The following ZFAT variants were observed in gnomAD, a reference collection of about 807,000 sequenced individuals.
ZFAT encodes the protein zinc finger protein ZFAT.
A neutral mutation model predicts 117.7 loss-of-function variants in ZFAT; 64 were observed. The ratio of observed to expected loss-of-function variants is 0.54; its 90% CI spans 0.44 to 0.67. ZFAT has a LOEUF of 0.67. Ranked by LOEUF, ZFAT falls within the 30% of genes least tolerant of loss-of-function variation. The pLI is 0.00. For missense variants in ZFAT, 1,433 were observed against 1,584.5 expected (o/e 0.90, Z 1.62); for synonymous variants, 679 against 615.0 (o/e 1.10, Z -1.54).
chr8:134,495,065 C>A (rs1367733541), intron 15 of ZFAT, among the ~76,000 whole-genome samples: 3 of 152,208 alleles, frequency 2.0e-5, no homozygotes, highest in African/African-American at 7.2e-5. Flanking sequence ...AGAACCACCA[C>A]CTGCCCAGCT....
chr8:134,819,552 T>C, the ZFAT span, among the ~76,000 whole-genome samples: 1 of 117,476 alleles, frequency 8.5e-6, no homozygotes, highest in South Asian at 2.9e-4. Context: ...AAGGAACTGG[T>C]TTCTCTGACA....
chr8:134,478,291 G>A lies in ZFAT; in HGVS notation c.*191C>T, dbSNP rs1817020849. The A allele has an allele frequency of 8.5e-6, 6 of 704,500 alleles. No individual in the cohort carries two copies. The highest frequency in any genetic ancestry group is 1.4e-5 in the Non-Finnish European group (6 of 431,468). 43.6% of individuals were successfully genotyped at this position (704,500 alleles called of 1,614,324 possible). On this transcript the variant is annotated 3_prime_UTR_variant, in exon 16 of 16. Coordinates refer to ENST00000377838, the MANE Select transcript of ZFAT (RefSeq NM_020863.4). The surrounding 1 kb of genome is among the most constrained non-coding windows in gnomAD (Gnocchi z 5.2). The stretch of plus-strand genomic sequence containing the variant: ...GTGTCTATGCTGGGGTGAGGGTCCT[G>A]TGGTATTGCTGGTGATGCTGACTGC...
intron 7 of ZFAT, among the ~76,000 whole-genome samples, chr8:134,596,491 C>T (rs1826947122): frequency 6.6e-6 from 1 of 152,150 alleles, no homozygotes; most frequent in Admixed American, 6.6e-5. Context: ...TTCTTAGATG[C>T]TTCATAATTT....
intron 2 of ZFAT, among the ~76,000 whole-genome samples, chr8:134,639,346 T>C (rs888109034): frequency 2.6e-5 from 4 of 152,194 alleles, no homozygotes; most frequent in African/African-American, 2.4e-5. Flanking sequence ...TCAACCAAAC[T>C]GCAACGCCAC....
At chr8:134,517,414 T>C (rs1351450665) in intron 13 of ZFAT, among the ~76,000 whole-genome samples, 1 of 152,174 alleles carries the variant, frequency 6.6e-6, no homozygotes, top group East Asian at 1.9e-4. Context: ...CCATTTCTTA[T>C]CTTTTGTAAC....
In ZFAT at chr8:134,607,017, A is replaced by G. The variant is rs1469379552; in HGVS notation, c.785+1712T>C. On this transcript the variant is annotated intron_variant, in intron 5 of 15. Coordinates refer to ENST00000377838, the MANE Select transcript of ZFAT (RefSeq NM_020863.4). ...TACAAAGTAAAATCCTTACGCAAAA[A>G]CATCTCTTTTATAGTTATCTTATAA... is the stretch of plus-strand genomic sequence containing the variant. Among the ~76,000 whole-genome samples the G allele has an allele frequency of 3.3e-5, 5 of 152,290 alleles. No individual in the cohort carries two copies. In the East Asian group the frequency reaches 9.6e-4, roughly 29 times the overall value.
At chr8:134,508,365 T>C (rs1563788424) in intron 15 of ZFAT, among the ~76,000 whole-genome samples, 1 of 152,220 alleles carries the variant, frequency 6.6e-6, no homozygotes. Context: ...CTTATGTGAG[T>C]GCCTCATTAA....
the ZFAT span, among the ~76,000 whole-genome samples, chr8:134,775,199 A>G: frequency 6.6e-6 from 1 of 152,190 alleles, no homozygotes; most frequent in Non-Finnish European, 1.5e-5. Flanking sequence ...TAATACCAAT[A>G]TATGAAGTCC....
At chr8:134,824,872 C>T in the ZFAT span, among the ~76,000 whole-genome samples, 2 of 152,182 alleles carry the variant, frequency 1.3e-5, no homozygotes, top group African/African-American at 2.4e-5. Context: ...TGGACAAATA[C>T]TAGTGTATTT....
At chr8:134,650,904 A>G (rs1183583085) in intron 2 of ZFAT, among the ~76,000 whole-genome samples, 1 of 152,236 alleles carries the variant, frequency 6.6e-6, no homozygotes, top group Non-Finnish European at 1.5e-5. Flanking sequence ...GCAAAAATTA[A>G]CTTAAAATGG....
At chr8:134,668,589 A>G (rs1412389337) in intron 1 of ZFAT, among the ~76,000 whole-genome samples, 1 of 152,232 alleles carries the variant, frequency 6.6e-6, no homozygotes, top group African/African-American at 2.4e-5. Context: ...CATCCACACC[A>G]AAACCCCATC....
rs35292754 is a variant in ZFAT at position 134,680,261 on chromosome 8, C to CAA, written c.20-22526_20-22525dup. On this transcript the variant is annotated intron_variant, in intron 1 of 15. Transcript: ENST00000377838. ...TGGGTGACAGAGCCAGACTCCCCCT[C>CAA]AAAAAAAAAAAAAAAAAAAAGAATT... is the stretch of plus-strand genomic sequence containing the variant. Among the ~76,000 whole-genome samples, 108 of 48,762 alleles carry CAA rather than the reference C, an allele frequency of 2.2e-3. 8 individuals carry two copies. The highest frequency in any genetic ancestry group is 3.4e-3 in the South Asian group (4 of 1,184). The allele number at this position is 48,762 out of a possible 152,430, so 32.0% of individuals were successfully genotyped here. A position where few individuals can be genotyped will look rare whatever the true frequency, so the allele number is the denominator to read the frequency against.
At chr8:134,555,993 CGGGAGGGAGGGAAGGT>C (rs1823571778) in intron 11 of ZFAT, among the ~76,000 whole-genome samples, 1 of 65,178 alleles carries the variant, frequency 1.5e-5, no homozygotes, top group Non-Finnish European at 2.8e-5. Flanking sequence ...GGAGGGAAGG[CGGGAGGGAGGGAAGGT>C]GGGAGGGAAG....
the ZFAT span, among the ~76,000 whole-genome samples, chr8:134,801,153 T>A: frequency 6.6e-6 from 1 of 152,136 alleles, no homozygotes; most frequent in East Asian, 1.9e-4. Flanking sequence ...AGCTTAGTCA[T>A]CTCTCCTCCC....
the ZFAT span, chr8:134,797,677 TAA>T: frequency 2.0e-5 from 3 of 152,118 alleles, no homozygotes; most frequent in Admixed American, 6.5e-5. Flanking sequence ...TATTAAATAG[TAA>T]AAATACCCTT....
At chr8:134,661,665 A>G (rs1272946619) in intron 1 of ZFAT, among the ~76,000 whole-genome samples, 1 of 152,170 alleles carries the variant, frequency 6.6e-6, no homozygotes, top group African/African-American at 2.4e-5. Context: ...CAGGGATGAG[A>G]GCAGAGATGA....
intron 2 of ZFAT, among the ~76,000 whole-genome samples, chr8:134,648,759 A>C (rs1171884927): frequency 2.6e-5 from 4 of 152,168 alleles, no homozygotes; most frequent in African/African-American, 9.6e-5. Flanking sequence ...AAAATAGAAG[A>C]GGAGGGAACA....
the ZFAT span, among the ~76,000 whole-genome samples, chr8:134,757,306 C>T: frequency 1.3e-5 from 2 of 152,058 alleles, no homozygotes; most frequent in South Asian, 2.1e-4. Context: ...CGTGAGCCAC[C>T]GCACCCAGCC....
At chr8:134,757,485 C>T in the ZFAT span, among the ~76,000 whole-genome samples, 1 of 152,130 alleles carries the variant, frequency 6.6e-6, no homozygotes, top group South Asian at 2.1e-4. Context: ...GAACTACTTG[C>T]TGGCCAGCTG....
Sources: gnomAD v4.1 joint callset for allele counts (sites outside exome capture counted in the v4.1 genomes callset) on GRCh38, gnomAD v4.1.1 for gene constraint, Gnocchi (gnomAD v3.1) non-coding constraint, MANE v1.5 for transcripts, NCBI Gene and HGNC (gene_info 2026-07-23, HGNC 2026-07-21) for gene names.